The following EFNA5 variants were observed in gnomAD, a reference collection of about 807,000 sequenced individuals.
EFNA5 encodes the protein ephrin A5.
A neutral mutation model predicts 22.9 loss-of-function variants in EFNA5; 5 were observed. The ratio of observed to expected loss-of-function variants is 0.22; its 90% CI spans 0.11 to 0.46. The LOEUF is 0.46. Among genes scored for constraint, EFNA5 ranks in the 20% least tolerant of loss-of-function variants. The pLI is 0.99. For synonymous variants in EFNA5, 113 were observed against 112.2 expected, an observed-to-expected ratio of 1.01 and a Z score of -0.04; for missense variants, 237 against 293.3, an observed-to-expected ratio of 0.81 and a Z score of 1.40.
At chr5:107,492,023 C>A (rs1479232038) in intron 1 of EFNA5, among the ~76,000 whole-genome samples, 1 of 152,018 alleles carries the variant, frequency 6.6e-6, no homozygotes, top group Non-Finnish European at 1.5e-5. Context: ...TTATTCGAGA[C>A]AGGGTTTCGC....
At chr5:107,424,198 AT>A (rs70996959) in intron 2 of EFNA5, among the ~76,000 whole-genome samples, 1,182 of 95,684 alleles carry the variant, frequency 0.012, no homozygotes, top group African/African-American at 0.028. Flanking sequence ...TCTTTCTTTC[AT>A]TTTTTTTTTT....
In EFNA5 at chr5:107,532,555, T is replaced by G. The variant is rs1158521053; in HGVS notation, c.126-105046A>C. On this transcript the variant is annotated intron_variant, in intron 1 of 4. Transcript: ENST00000333274. ...TTTATCCGGCCTCCACGGTCCAATG[T>G]GGGACGGAAGAAGCATGGAATTTCT... 2.0e-5 allele frequency among the ~76,000 whole-genome samples: 3 copies of G among 152,270 alleles called. No homozygotes were observed. The East Asian group carries it at 5.8e-4, about 29-fold the overall frequency.
chr5:107,443,266 C>A (rs1377753379), intron 1 of EFNA5, among the ~76,000 whole-genome samples: 2 of 152,208 alleles, frequency 1.3e-5, no homozygotes, highest in East Asian at 1.9e-4. Context: ...TCCTTATATA[C>A]CCAGCTCCTT....
intron 1 of EFNA5, among the ~76,000 whole-genome samples, chr5:107,591,875 A>T (rs1299470375): frequency 2.8e-5 from 1 of 36,276 alleles, no homozygotes; most frequent in South Asian, 4.8e-4. Flanking sequence ...TATATATATA[A>T]TATATAATAT....
At chr5:107,472,773 A>C (rs768454360) in intron 1 of EFNA5, among the ~76,000 whole-genome samples, 35 of 152,334 alleles carry the variant, frequency 2.3e-4, no homozygotes, top group Admixed American at 1.6e-3. Flanking sequence ...AAAAAGGTAC[A>C]ACTCATGTGG....
chr5:107,408,929 T>C (rs79614196), intron 2 of EFNA5, among the ~76,000 whole-genome samples: 6,058 of 152,308 alleles, frequency 0.04, 393 homozygotes, highest in African/African-American at 0.14. Context: ...GTCATTGTTC[T>C]GAAGAAAGAA....
intron 1 of EFNA5, among the ~76,000 whole-genome samples, chr5:107,488,215 T>A (rs1445781366): frequency 6.6e-6 from 1 of 152,210 alleles, no homozygotes; most frequent in African/African-American, 2.4e-5. Context: ...TGTATACAAA[T>A]GTTATCTTAT....
At chr5:107,596,627 A>G (rs1345987730) in intron 1 of EFNA5, among the ~76,000 whole-genome samples, 2 of 152,096 alleles carry the variant, frequency 1.3e-5, no homozygotes, top group East Asian at 3.8e-4. Context: ...AAAGTAATTT[A>G]TTAATAATTT....
intron 1 of EFNA5, among the ~76,000 whole-genome samples, chr5:107,498,667 C>G (rs930125521): frequency 1.3e-5 from 2 of 152,150 alleles, no homozygotes; most frequent in African/African-American, 4.8e-5. Context: ...GACAGCGGAG[C>G]CTTAAGCCAA....
At chr5:107,602,219 T>C (rs1362333495) in intron 1 of EFNA5, among the ~76,000 whole-genome samples, 1 of 152,156 alleles carries the variant, frequency 6.6e-6, no homozygotes, top group East Asian at 1.9e-4. Flanking sequence ...ATTTGGAAAA[T>C]CCACAGGTAC....
intron 1 of EFNA5, among the ~76,000 whole-genome samples, chr5:107,491,334 G>A (rs1358763919): frequency 6.6e-6 from 1 of 152,096 alleles, no homozygotes; most frequent in African/African-American, 2.4e-5. Context: ...TTCCTTCCAT[G>A]GAGTTCCGCT....
At chr5:107,423,659 C>A (rs534452106) in intron 2 of EFNA5, among the ~76,000 whole-genome samples, 1 of 152,022 alleles carries the variant, frequency 6.6e-6, no homozygotes, top group Non-Finnish European at 1.5e-5. Flanking sequence ...ATATAAATAC[C>A]GCCAACTTTC....
intron 1 of EFNA5, among the ~76,000 whole-genome samples, chr5:107,562,541 A>G (rs1159261297): frequency 6.6e-6 from 1 of 152,202 alleles, no homozygotes; most frequent in Non-Finnish European, 1.5e-5. Flanking sequence ...AATATAGTAT[A>G]ATTGGTATGT....
intron 1 of EFNA5, among the ~76,000 whole-genome samples, chr5:107,609,144 T>A (rs1201739570): frequency 1.3e-5 from 2 of 152,136 alleles, no homozygotes; most frequent in Non-Finnish European, 2.9e-5. Flanking sequence ...AAGAAGGAAA[T>A]AGGAAGAAGA....
chr5:107,458,015 C>T (rs956059864), intron 1 of EFNA5, among the ~76,000 whole-genome samples: 4 of 152,074 alleles, frequency 2.6e-5, no homozygotes, highest in African/African-American at 7.2e-5. Flanking sequence ...ATTCAAGTCC[C>T]CTTATCTCCT....
chr5:107,429,903 A>T (rs904581199), intron 1 of EFNA5, among the ~76,000 whole-genome samples: 1 of 152,266 alleles, frequency 6.6e-6, no homozygotes, highest in Non-Finnish European at 1.5e-5. Context: ...TCATATAGAA[A>T]TGTTAAATTC....
At chr5:107,395,499 A>G (rs1747898848) in intron 2 of EFNA5, among the ~76,000 whole-genome samples, 1 of 152,210 alleles carries the variant, frequency 6.6e-6, no homozygotes, top group Non-Finnish European at 1.5e-5. Flanking sequence ...TGTCTAAGAA[A>G]TTTCTTAACA....
chr5:107,570,829 T>C (rs958786182), intron 1 of EFNA5, among the ~76,000 whole-genome samples: 23 of 152,200 alleles, frequency 1.5e-4, no homozygotes, highest in African/African-American at 5.5e-4. Flanking sequence ...GGATTCTATA[T>C]CCGTATATAC....
chr5:107,559,811 G>A (rs923130725), intron 1 of EFNA5, among the ~76,000 whole-genome samples: 1 of 152,144 alleles, frequency 6.6e-6, no homozygotes. Context: ...ACACACTGAT[G>A]CCTCTAGAAG....
Sources: gnomAD v4.1 joint callset for allele counts (sites outside exome capture counted in the v4.1 genomes callset) on GRCh38, gnomAD v4.1.1 for gene constraint, MANE v1.5 for transcripts, NCBI Gene and HGNC (gene_info 2026-07-23, HGNC 2026-07-21) for gene names.